The following SH2B2 variants were observed in gnomAD, a reference collection of about 807,000 sequenced individuals.
SH2B2 encodes the protein SH2B adaptor protein 2.
In SH2B2, 37 loss-of-function variants were observed where a neutral mutation model predicts 35.7. The observed-to-expected ratio is 1.04, with a 90% CI of 0.80 to 1.36. The LOEUF (loss-of-function observed/expected upper bound fraction) is 1.36, where lower values mean the gene tolerates loss of function less well. SH2B2 is among the 40% of genes most tolerant of loss of function. SH2B2 has a pLI of 0.00. For synonymous variants in SH2B2, 383 were observed against 376.4 expected (o/e 1.02, Z -0.20); for missense variants, 852 against 817.7 (o/e 1.04, Z -0.51).
intron 2 of SH2B2, among the ~76,000 whole-genome samples, chr7:102,302,570 C>T (rs956308236): frequency 1.3e-5 from 2 of 152,248 alleles, no homozygotes; most frequent in African/African-American, 4.8e-5. Flanking sequence ...TAGTGCCCAC[C>T]CTCTGAGAGC....
chr7:102,293,537 G>T (rs1216251937), intron 1 of SH2B2, among the ~76,000 whole-genome samples: 1 of 151,688 alleles, frequency 6.6e-6, no homozygotes, highest in African/African-American at 2.4e-5. Context: ...AAAACCGGAG[G>T]TGGGGGGGTG....
At chr7:102,301,376 G>A (rs2132956937) in intron 2 of SH2B2, 97 bp downstream of exon 2, 9 of 1,374,048 alleles carry the variant, frequency 6.5e-6, no homozygotes, top group Non-Finnish European at 8.7e-6. Flanking sequence ...GGACCGCGTG[G>A]TCTAATCTGG....
intron 4 of SH2B2, among the ~76,000 whole-genome samples, chr7:102,313,540 G>A (rs1337443934): frequency 1.3e-5 from 2 of 152,166 alleles, no homozygotes; most frequent in African/African-American, 4.8e-5. Flanking sequence ...TCCCACCTCA[G>A]CCTCCCAGAA....
rs573951666 is a variant in SH2B2 at position 102,310,495 on chromosome 7, GCT to G, written c.923+1590_923+1591del. Among the ~76,000 whole-genome samples the G allele has an allele frequency of 2.4e-4, 37 of 152,206 alleles. 1 individual carries two copies. In the East Asian group the frequency reaches 7.2e-3, roughly 29 times the overall value. On this transcript the variant is annotated intron_variant, in intron 4 of 8. Transcript: ENST00000444095. The stretch of plus-strand genomic sequence containing the variant: ...AATAGGCAGAGGGCAGTTACGGTCA[GCT>G]GTGAACAGGAAGAGCAGCAAGAAGG...
chr7:102,312,689 C>G (rs1167239924), intron 4 of SH2B2, among the ~76,000 whole-genome samples: 3 of 151,966 alleles, frequency 2.0e-5, no homozygotes, highest in Non-Finnish European at 4.4e-5. Flanking sequence ...TTCTTTCTTT[C>G]CTTTTGTTTT....
upstream of SH2B2, chr7:102,285,214 C>G: frequency 3.2e-6 from 5 of 1,551,286 alleles, no homozygotes; most frequent in Non-Finnish European, 4.4e-6. Flanking sequence ...CCTCTCTGGC[C>G]GCTATCATCC....
chr7:102,292,248 G>A (rs1792700041), intron 1 of SH2B2, among the ~76,000 whole-genome samples: 1 of 151,666 alleles, frequency 6.6e-6, no homozygotes, highest in African/African-American at 2.4e-5. Flanking sequence ...AAATTACCTG[G>A]GACCGGGTGC....
upstream of SH2B2, among the ~76,000 whole-genome samples, chr7:102,286,441 C>A (rs1554550852): frequency 2.6e-5 from 4 of 152,304 alleles, no homozygotes; most frequent in South Asian, 8.3e-4. Flanking sequence ...TCGAGGGCGT[C>A]CGCGTCCCAT....
chr7:102,294,500 C>T (rs1287605705), intron 1 of SH2B2, among the ~76,000 whole-genome samples: 1 of 152,208 alleles, frequency 6.6e-6, no homozygotes, highest in Non-Finnish European at 1.5e-5. Flanking sequence ...ACCTCCTGTG[C>T]CATCTTGCCA....
chr7:102,289,757 G>A (rs2960270), intron 1 of SH2B2, among the ~76,000 whole-genome samples: 113,355 of 150,712 alleles, frequency 0.75, 43,873 homozygotes, highest in East Asian at 0.93. Flanking sequence ...GGCTGGGCCA[G>A]GGCCCATGTG....
chr7:102,307,561 C>T (rs1243786507), intron 3 of SH2B2, among the ~76,000 whole-genome samples: 5 of 152,074 alleles, frequency 3.3e-5, no homozygotes, highest in Non-Finnish European at 5.9e-5. Flanking sequence ...TTACCAACCC[C>T]GGACCCTGAG....
Position 102,297,549 on chromosome 7 carries a change from A to G in SH2B2, c.-29-2973A>G, listed in dbSNP as rs1454012311. Among the ~76,000 whole-genome samples, 2 of 152,212 alleles carry G rather than the reference A, an allele frequency of 1.3e-5. No individual in the cohort carries two copies. The highest frequency in any genetic ancestry group is 2.9e-5 in the Non-Finnish European group (2 of 68,036). On this transcript the variant is annotated intron_variant, in intron 1 of 8. Transcript: ENST00000444095. The surrounding 1 kb of genome is among the most constrained non-coding windows in gnomAD (Gnocchi z 4.3). ...GATCCACACTAGGAGGAGACCCCTC[A>G]AGTCCTGGAGTCACTGCAGACCTGG...
chr7:102,320,374 A>G lies in SH2B2; in HGVS notation c.1439A>G (p.Gln480Arg). 1 of 1,613,370 alleles carries G rather than the reference A, an allele frequency of 6.2e-7. No homozygotes were observed. The highest frequency in any genetic ancestry group is 8.5e-7 in the Non-Finnish European group (1 of 1,179,866). The change falls in exon 8 of 9, where the codon CAG becomes CGG. Residue 480 changes from glutamine (Q) to arginine (R), a missense_variant. This residue lies in a region of SH2B2 where 556 missense variants were observed against 514.5 expected (regional missense o/e 1.08). Transcript: ENST00000444095. ...SLNGHGQCHV[Q>R]HLWFQSVLDM... ...AACGGCCACGGCCAGTGTCACGTAC[A>G]GCATCTGTGGTTCCAGTCTGTGCTT...
chr7:102,321,363 G>A lies in SH2B2; in HGVS notation c.1632G>A (p.Gln544=), dbSNP rs551876946. 3 of 1,432,968 alleles carry A rather than the reference G, an allele frequency of 2.1e-6. No individual in the cohort carries two copies. The highest frequency in any genetic ancestry group is 6.2e-5 in the East Asian group (2 of 32,140). 88.8% of individuals were successfully genotyped at this position (1,432,968 alleles called of 1,614,324 possible). The change falls in exon 9 of 9, where the codon CAG becomes CAA. Residue 544 remains glutamine, a synonymous_variant. Transcript: ENST00000444095. ...SPACWSDSPG[Q]HYFSSLAAAA... is the part of the protein sequence containing the mutation. ...CCTGCTGGAGCGACTCGCCCGGCCA[G>A]CACTACTTCTCCAGCCTCGCCGCGG...
chr7:102,321,564 C>A lies in SH2B2; in HGVS notation c.1833C>A (p.Ala611=). ...RLLEAVAATA[A]EEPPEAAPGR... ...TGGAGGCCGTGGCCGCCACCGCCGC[C>A]GAGGAGCCCCCGGAGGCCGCGCCCG... is the stretch of plus-strand genomic sequence containing the variant. The change falls in exon 9 of 9, where the codon GCC becomes GCA. Residue 611 remains alanine (A), a synonymous_variant. Coordinates refer to ENST00000444095, the MANE Select transcript of SH2B2 (RefSeq NM_001359228.2). 1.7e-6 allele frequency: 2 copies of A among 1,155,570 alleles called. No homozygotes were observed. The highest frequency in any genetic ancestry group is 4.2e-5 in the East Asian group (1 of 23,582). The allele number at this position is 1,155,570 out of a possible 1,614,324, so 71.6% of individuals were successfully genotyped here. A position where few individuals can be genotyped will look rare whatever the true frequency, so the allele number is the denominator to read the frequency against.
At chr7:102,305,814 G>C (rs1793368479) in intron 2 of SH2B2, among the ~76,000 whole-genome samples, 1 of 152,020 alleles carries the variant, frequency 6.6e-6, no homozygotes, top group Non-Finnish European at 1.5e-5. Flanking sequence ...AGGGCTTGGA[G>C]GTAGGAGGCT....
chr7:102,300,810 C>G lies in SH2B2; in HGVS notation c.260C>G (p.Thr87Ser). The G allele has an allele frequency of 6.7e-7, 1 of 1,488,918 alleles. No homozygotes were observed. The highest frequency in any genetic ancestry group is 1.3e-5 in the South Asian group (1 of 76,408). The allele number at this position is 1,488,918 out of a possible 1,614,324, so 92.2% of individuals were successfully genotyped here. A position where few individuals can be genotyped will look rare whatever the true frequency, so the allele number is the denominator to read the frequency against. Residue 87 changes from threonine to serine, a missense_variant, in exon 2 of 9, where the codon ACT (threonine) becomes AGT (serine). Thr to Ser is a moderately conservative substitution (Grantham distance 58). Transcript: ENST00000444095. The part of the protein sequence containing the change: ...VRRVLVAGPT[T>S]RGAAVSAEAM... ...CGCGTGCTGGTGGCTGGGCCGACGA[C>G]TCGGGGCGCGGCCGTGAGCGCAGAG... is the stretch of plus-strand genomic sequence containing the variant.
upstream of SH2B2, chr7:102,285,306 AC>A: frequency 7.4e-7 from 1 of 1,345,666 alleles, no homozygotes; most frequent in Non-Finnish European, 1.0e-6. Context: ...GAGGGTGGAG[AC>A]CACAACCAGG....
At chr7:102,288,028 C>T (rs1313292239) in intron 1 of SH2B2, among the ~76,000 whole-genome samples, 1 of 152,206 alleles carries the variant, frequency 6.6e-6, no homozygotes, top group Non-Finnish European at 1.5e-5. Context: ...ACATCACCTA[C>T]CCTGTAAAAT....
Sources: gnomAD v4.1 joint callset for allele counts (sites outside exome capture counted in the v4.1 genomes callset) on GRCh38, gnomAD v4.1.1 for gene constraint, gnomAD v4.1.1 regional missense constraint, Gnocchi (gnomAD v3.1) non-coding constraint, MANE v1.5 for transcripts, NCBI Gene and HGNC (gene_info 2026-07-23, HGNC 2026-07-21) for gene names.